Variants in AK8 observed in about 807,000 individuals in gnomAD.
AK8 encodes the protein ATP-AMP transphosphorylase 8.
AK8 carries 44 observed loss-of-function variants against 54.6 expected under a neutral mutation model. The observed-to-expected ratio is 0.81, with a 90% confidence interval of 0.63 to 1.04. AK8 has a LOEUF of 1.04. AK8 is among the 50% of genes least tolerant of loss of function. The probability of loss-of-function intolerance (pLI) is 0.00; values close to 1 mark genes in which losing one functional copy is unlikely to be tolerated. For missense variants in AK8, 555 were observed against 613.6 expected (o/e 0.90, Z 1.01); for synonymous variants, 239 against 245.6 (o/e 0.97, Z 0.25).
Position 132,783,950 on chromosome 9 carries a change from C to T in AK8, c.1121+8684G>A, listed in dbSNP as rs537545783. On this transcript the variant is annotated intron_variant, in intron 11 of 12. Transcript: ENST00000298545. ...AGCAGAAAATCCGAATTATGAAAAG[C>T]TGATGATAAATATCTAACACACACA... Among the ~76,000 whole-genome samples the T allele has an allele frequency of 9.7e-4, 148 of 152,244 alleles. 1 individual carries two copies. Among genetic ancestry groups the T allele is most frequent in the African/African-American group, 3.3e-3 (138 of 41,540 alleles).
chr9:132,851,714 A>G (rs577362537), intron 5 of AK8, among the ~76,000 whole-genome samples: 2 of 152,350 alleles, frequency 1.3e-5, no homozygotes, highest in African/African-American at 4.8e-5. Flanking sequence ...GTTGCTGAAC[A>G]CAGGACTGAC....
chr9:132,731,733 T>C (rs1836858074), intron 11 of AK8, among the ~76,000 whole-genome samples: 1 of 152,240 alleles, frequency 6.6e-6, no homozygotes, highest in Non-Finnish European at 1.5e-5. Flanking sequence ...GCTCTCTGGA[T>C]GACTACATAC....
intron 11 of AK8, among the ~76,000 whole-genome samples, chr9:132,739,169 G>C (rs993153945): frequency 3.3e-5 from 5 of 151,684 alleles, no homozygotes; most frequent in African/African-American, 1.2e-4. Flanking sequence ...TTATTTCTGG[G>C]CTGGGCGTGG....
At chr9:132,812,563 C>CACTGGGATGACGG (rs1564415180) in intron 10 of AK8, among the ~76,000 whole-genome samples, 1 of 150,748 alleles carries the variant, frequency 6.6e-6, no homozygotes, top group African/African-American at 2.4e-5. Context: ...CCGCCGCGCC[C>CACTGGGATGACGG]GGCCGCTAGG....
At chr9:132,870,139 A>G (rs563512559) in intron 2 of AK8, among the ~76,000 whole-genome samples, 24 of 152,010 alleles carry the variant, frequency 1.6e-4, no homozygotes, top group African/African-American at 4.8e-4. Context: ...TGCAGGGGAA[A>G]CCCTCCCCTT....
intron 11 of AK8, among the ~76,000 whole-genome samples, chr9:132,740,095 G>A (rs1460924517): frequency 6.6e-6 from 1 of 152,224 alleles, no homozygotes; most frequent in Non-Finnish European, 1.5e-5. Flanking sequence ...TGCACATTCA[G>A]ACCTCAGCAG....
rs144989707 is a variant in AK8, at chr9:132,799,558, C to T, written c.980-6783G>A. On this transcript the variant is annotated intron_variant, in intron 10 of 12. Coordinates refer to ENST00000298545, the MANE Select transcript of AK8 (RefSeq NM_152572.3). The surrounding 1 kb of genome is among the most constrained non-coding windows in gnomAD (Gnocchi z 5.0). ...TGACACACTACAACACACACAGGCACGCACACACACAGACATGTGCTCATG... is the reference window on the plus strand; with the variant it reads ...TGACACACTACAACACACACAGGCATGCACACACACAGACATGTGCTCATG... 6.9e-3 allele frequency among the ~76,000 whole-genome samples: 1,044 copies of T among 151,912 alleles called. 5 individuals are homozygous for T. The highest frequency in any genetic ancestry group is 0.019 in the African/African-American group (792 of 41,400).
rs1839946119 is a variant in AK8 at position 132,791,544 on chromosome 9, A to C, written c.1121+1090T>G. 6.6e-6 allele frequency among the ~76,000 whole-genome samples: 1 copy of C among 152,240 alleles called. No individual in the cohort carries two copies. The highest frequency in any genetic ancestry group is 2.4e-5 in the African/African-American group (1 of 41,468). On this transcript the variant is annotated intron_variant, in intron 11 of 12. Coordinates refer to ENST00000298545, the MANE Select transcript of AK8 (RefSeq NM_152572.3). This position sits in a 1 kb window ranked among gnomAD's most constrained non-coding sequence, Gnocchi z 4.0. ...AATAAATATATAAAATAGACAATAA[A>C]GAAGATCAATGAGAGGGCCTTGTCC...
intron 2 of AK8, among the ~76,000 whole-genome samples, chr9:132,873,014 C>G (rs1001642618): frequency 3.9e-5 from 6 of 152,202 alleles, no homozygotes; most frequent in African/African-American, 1.2e-4. Flanking sequence ...GGGATTTCAC[C>G]ATGTTAGCCA....
At chr9:132,828,176 T>C (rs1258691908) in intron 6 of AK8, 92 bp from the exon 7 acceptor site, 2 of 1,214,162 alleles carry the variant, frequency 1.6e-6, no homozygotes, top group African/African-American at 3.1e-5. Context: ...CTTTACGTTT[T>C]TTGCTTTTCT....
intron 11 of AK8, among the ~76,000 whole-genome samples, chr9:132,738,775 AC>A (rs1837234157): frequency 7.6e-6 from 1 of 131,942 alleles, no homozygotes. Context: ...TTTTTTTGAG[AC>A]AGGGTCTCAC....
At chr9:132,798,258 A>G (rs1002297195) in intron 10 of AK8, among the ~76,000 whole-genome samples, 1 of 152,024 alleles carries the variant, frequency 6.6e-6, no homozygotes, top group Non-Finnish European at 1.5e-5. Context: ...AAACCCACCC[A>G]TGTCTCCTGT....
chr9:132,849,067 C>A (rs1051269545), intron 5 of AK8, among the ~76,000 whole-genome samples: 1 of 151,952 alleles, frequency 6.6e-6, no homozygotes, highest in Non-Finnish European at 1.5e-5. Context: ...TGCCACCACG[C>A]CCGGCTAATT....
intron 6 of AK8, 92 bp downstream of exon 6, chr9:132,828,553 A>ACAG: frequency 2.6e-6 from 3 of 1,132,238 alleles, no homozygotes; most frequent in Non-Finnish European, 3.8e-6. Context: ...GCCTGGGCTG[A>ACAG]GGTCAGGAGC....
chr9:132,750,171 T>C (rs564792113), intron 11 of AK8, among the ~76,000 whole-genome samples: 3 of 151,842 alleles, frequency 2.0e-5, no homozygotes, highest in Non-Finnish European at 4.4e-5. Context: ...CAGGCTGGAG[T>C]GCAATGGTGC....
chr9:132,825,644 C>T (rs529646680), intron 8 of AK8, among the ~76,000 whole-genome samples: 1 of 152,256 alleles, frequency 6.6e-6, no homozygotes, highest in South Asian at 2.1e-4. Flanking sequence ...CTGTTCAATC[C>T]ACGCCGGCAA....
chr9:132,863,573 T>C (rs531200114), intron 4 of AK8, 92 bp downstream of exon 4: 345 of 837,920 alleles, frequency 4.1e-4, no homozygotes, highest in Non-Finnish European at 5.8e-4. Context: ...AAAAATGAAA[T>C]GGGAACAAAC....
chr9:132,844,368 G>T (rs1842666176), intron 5 of AK8, among the ~76,000 whole-genome samples: 1 of 151,518 alleles, frequency 6.6e-6, no homozygotes, highest in African/African-American at 2.4e-5. Flanking sequence ...ATCCTGATGG[G>T]TTATGATTGC....
chr9:132,755,043 C>G (rs1030580455), intron 11 of AK8, among the ~76,000 whole-genome samples: 1 of 152,210 alleles, frequency 6.6e-6, no homozygotes, highest in East Asian at 1.9e-4. Context: ...AGGTAATCTG[C>G]CCGCCTCGGC....
Sources: gnomAD v4.1 joint callset for allele counts (sites outside exome capture counted in the v4.1 genomes callset) on GRCh38, gnomAD v4.1.1 for gene constraint, Gnocchi (gnomAD v3.1) non-coding constraint, MANE v1.5 for transcripts, NCBI Gene and HGNC (gene_info 2026-07-23, HGNC 2026-07-21) for gene names.